Variants in TBC1D3B observed in about 807,000 individuals in gnomAD.
The protein encoded by TBC1D3B is Rab GTPase-activating protein PRC17 duplicate.
In TBC1D3B, 2 loss-of-function variants were observed where a neutral mutation model predicts 27.1. The observed-to-expected ratio is 0.07, with a 90% CI of 0.03 to 0.23. The LOEUF (loss-of-function observed/expected upper bound fraction) is 0.23, where lower values mean the gene tolerates loss of function less well. TBC1D3B is among the 10% of genes least tolerant of loss of function. TBC1D3B has a pLI of 1.00. For missense variants in TBC1D3B, 17 were observed against 401.3 expected (o/e 0.04, Z 8.18); for synonymous variants, 3 against 150.1 (o/e 0.02, Z 7.16).
rs1245919596 is a variant in TBC1D3B, at chr17:36,169,468, A to G, written c.668-294T>C. Reference sequence around the variant, plus strand: ...TGGGTGGGCGCTGGGCTTCCCGGTCATCTCCTGGTAGTGGGGTCGGGCCAG... The same window carrying G: ...TGGGTGGGCGCTGGGCTTCCCGGTCGTCTCCTGGTAGTGGGGTCGGGCCAG... On this transcript the variant is annotated intron_variant, in intron 9 of 13. Transcript: ENST00000611257. 8.1e-3 allele frequency among the ~76,000 whole-genome samples: 1,205 copies of G among 149,070 alleles called. 24 individuals carry two copies. The highest frequency in any genetic ancestry group is 0.055 in the South Asian group (252 of 4,554).
chr17:36,175,109 G>C, intron 1 of TBC1D3B, 58 bp from the exon 2 acceptor site: 1 of 499,628 alleles, frequency 2.0e-6, no homozygotes, highest in Non-Finnish European at 2.9e-6. Flanking sequence ...GAGAACACCT[G>C]AACTGCTCTC....
chr17:36,165,918 A>G lies in TBC1D3B; in HGVS notation c.*77T>C. ...CATATTCATAAGTTTAACCAAAAAT[A>G]AAACGAGGACGCGAAGCTTGCTTGG... On this transcript the variant is annotated 3_prime_UTR_variant, in exon 14 of 14. Coordinates refer to ENST00000611257, the MANE Select transcript of TBC1D3B (RefSeq NM_001001417.7). The G allele has an allele frequency of 1.0e-6, 1 of 994,568 alleles. No individual in the cohort carries two copies. The highest frequency in any genetic ancestry group is 1.5e-6 in the Non-Finnish European group (1 of 660,514). The allele number at this position is 994,568 out of a possible 1,614,324, so 61.6% of individuals were successfully genotyped here.
At chr17:36,168,468 C>T (rs2068293790) in intron 11 of TBC1D3B, among the ~76,000 whole-genome samples, 162 bp downstream of exon 11, 1 of 59,712 alleles carries the variant, frequency 1.7e-5, no homozygotes, top group African/African-American at 4.8e-5. Context: ...AGCCATTGCC[C>T]TGGGATGACT....
In TBC1D3B at chr17:36,165,929, G is replaced by C; in HGVS notation, c.*66C>G. ...GTTTAACCAAAAATAAAACGAGGAC[G>C]CGAAGCTTGCTTGGGTTGTTAAGCC... On this transcript the variant is annotated 3_prime_UTR_variant, in exon 14 of 14. Coordinates refer to ENST00000611257, the MANE Select transcript of TBC1D3B (RefSeq NM_001001417.7). 2.0e-6 allele frequency: 2 copies of C among 1,021,766 alleles called. No individual in the cohort carries two copies. The highest frequency in any genetic ancestry group is 1.4e-5 in the South Asian group (1 of 70,324). The allele number at this position is 1,021,766 out of a possible 1,614,324, so 63.3% of individuals were successfully genotyped here.
chr17:36,167,829 CA>C (rs2068282144), intron 12 of TBC1D3B, 133 bp from the exon 13 acceptor site: 1 of 1,030,330 alleles, frequency 9.7e-7, no homozygotes. Context: ...CAGATATACA[CA>C]GGAGACTGTG....
chr17:36,169,001 A>G, intron 10 of TBC1D3B, 79 bp downstream of exon 10: 3 of 1,533,684 alleles, frequency 2.0e-6, no homozygotes, highest in Non-Finnish European at 2.7e-6. Context: ...CAGCCCCACG[A>G]GGGGCCCCAG....
At chr17:36,169,347 C>G (rs1430607654) in intron 9 of TBC1D3B, among the ~76,000 whole-genome samples, 173 bp from the exon 10 acceptor site, 5 of 149,626 alleles carry the variant, frequency 3.3e-5, no homozygotes, top group Non-Finnish European at 6.0e-5. Flanking sequence ...CGGGAACATT[C>G]CCTGGAGCCT....
intron 13 of TBC1D3B, among the ~76,000 whole-genome samples, 192 bp downstream of exon 13, chr17:36,167,352 C>A (rs2068271285): frequency 6.3e-5 from 3 of 47,288 alleles, no homozygotes; most frequent in African/African-American, 1.3e-4. Flanking sequence ...CACAGCATGT[C>A]CAGTATACAC....
In TBC1D3B at chr17:36,175,018, C is replaced by G; in HGVS notation, c.33G>C (p.Trp11Cys). The change falls in exon 2 of 14, where the codon TGG (tryptophan) becomes TGC (cysteine). Residue 11 changes from tryptophan to cysteine, a missense_variant. Physicochemically the swap from Trp to Cys is radical, Grantham distance 215 (BLOSUM62 -2). Transcript: ENST00000611257. MDVVEVAGSW[W>C]AQEREDIIMK... Reference sequence around the variant, plus strand: ...TAATGATGTCCTCTCGCTCTTGTGCCCACCAACTACCCGCGACCTCTACCA... The same window carrying G: ...TAATGATGTCCTCTCGCTCTTGTGCGCACCAACTACCCGCGACCTCTACCA... The G allele has an allele frequency of 2.2e-6, 2 of 914,210 alleles. No individual in the cohort carries two copies. Among genetic ancestry groups the G allele is most frequent in the South Asian group, 1.6e-5 (1 of 60,864 alleles). The allele number at this position is 914,210 out of a possible 1,614,324, so 56.6% of individuals were successfully genotyped here. A position where few individuals can be genotyped will look rare whatever the true frequency, so the allele number is the denominator to read the frequency against.
intron 13 of TBC1D3B, among the ~76,000 whole-genome samples, chr17:36,167,242 G>T (rs1462271647): frequency 1.9e-5 from 1 of 53,572 alleles, no homozygotes; most frequent in Non-Finnish European, 6.9e-5. Flanking sequence ...GTCTGGGCTC[G>T]TCTAGTAACT....
intron 1 of TBC1D3B, among the ~76,000 whole-genome samples, chr17:36,175,577 A>C (rs2068410578): frequency 9.6e-6 from 1 of 103,780 alleles, no homozygotes; most frequent in Non-Finnish European, 2.4e-5. Flanking sequence ...AAGCCACTTT[A>C]GGAATAACGC....
intron 9 of TBC1D3B, 137 bp from the exon 10 acceptor site, chr17:36,169,311 G>T (rs2068311058): frequency 3.5e-6 from 5 of 1,421,602 alleles, no homozygotes; most frequent in Non-Finnish European, 5.0e-6. Context: ...ACCCCAACAT[G>T]CGGCCTTTAC....
At chr17:36,166,942 G>T (rs1264924504) in intron 13 of TBC1D3B, among the ~76,000 whole-genome samples, 729 of 55,642 alleles carry the variant, frequency 0.013, 1 homozygote, top group African/African-American at 0.026. Context: ...TCCGCAGTGG[G>T]TGATTGGGCC....
chr17:36,168,420 C>T (rs2068293129), intron 11 of TBC1D3B, among the ~76,000 whole-genome samples: 1 of 59,466 alleles, frequency 1.7e-5, no homozygotes, highest in East Asian at 2.6e-4. Context: ...CAAGTTGGGT[C>T]CTGGCCCAGT....
chr17:36,169,259 G>T lies in TBC1D3B; in HGVS notation c.668-85C>A. 4 of 1,571,360 alleles carry T rather than the reference G, an allele frequency of 2.5e-6. 1 individual carries two copies. The highest frequency in any genetic ancestry group is 3.5e-6 in the Non-Finnish European group (4 of 1,143,762). On this transcript the variant is annotated intron_variant, in intron 9 of 13. Coordinates refer to ENST00000611257, the MANE Select transcript of TBC1D3B (RefSeq NM_001001417.7). ...GCTGCAAGAGCTGGGCAGCTGGAGA[G>T]GCCCCCAAACCCCAAGGCTACTCCC...
intron 7 of TBC1D3B, 70 bp downstream of exon 7, chr17:36,171,784 GC>G: frequency 1.4e-6 from 1 of 695,836 alleles, no homozygotes; most frequent in South Asian, 1.6e-5. Context: ...CCTGGCTTCT[GC>G]TCCGGGGAAG....
intron 9 of TBC1D3B, among the ~76,000 whole-genome samples, chr17:36,169,428 C>G (rs1372372414): frequency 1.1e-4 from 17 of 149,342 alleles, no homozygotes; most frequent in African/African-American, 4.1e-4. Flanking sequence ...CAGGCCACGA[C>G]AGGGTGGCCG....
chr17:36,169,303 C>T, intron 9 of TBC1D3B, 129 bp from the exon 10 acceptor site: 1 of 1,478,418 alleles, frequency 6.8e-7, no homozygotes, highest in Non-Finnish European at 9.4e-7. Flanking sequence ...ATCTGGTGAC[C>T]CCAACATGCG....
intron 13 of TBC1D3B, among the ~76,000 whole-genome samples, chr17:36,167,192 G>A (rs1403171525): frequency 1.1e-5 from 1 of 90,282 alleles, no homozygotes; most frequent in African/African-American, 2.8e-5. Flanking sequence ...CTCTGAGGCT[G>A]TGGGTGCTTG....
Sources: allele counts gnomAD v4.1 joint callset (sites outside exome capture counted in the v4.1 genomes callset), GRCh38; gene constraint gnomAD v4.1.1; transcripts MANE v1.5; gene names NCBI Gene and HGNC (gene_info 2026-07-23, HGNC 2026-07-21).